Variants in CNTN5 observed in about 807,000 individuals in gnomAD.
CNTN5 encodes the protein contactin-5.
Under a neutral mutation model 129.1 loss-of-function variants are expected in CNTN5, and 77 were observed. The observed-to-expected ratio is 0.60, with a 90% CI of 0.50 to 0.72. The LOEUF (loss-of-function observed/expected upper bound fraction) is 0.72. CNTN5 is among the 30% of genes least tolerant of loss of function. The pLI is 0.00. For missense variants in CNTN5, 1,478 were observed against 1,328.8 expected (o/e 1.11, Z -1.75); for synonymous variants, 509 against 465.6 (o/e 1.09, Z -1.20).
At chr11:99,776,791 A>T (rs997634206) in intron 3 of CNTN5, among the ~76,000 whole-genome samples, 7 of 148,052 alleles carry the variant, frequency 4.7e-5, no homozygotes, top group East Asian at 2.0e-4. Flanking sequence ...AATGACAATT[A>T]AAAAAAAAAC....
At chr11:99,509,092 T>A (rs1376873447) in intron 2 of CNTN5, among the ~76,000 whole-genome samples, 5 of 152,188 alleles carry the variant, frequency 3.3e-5, no homozygotes, top group Non-Finnish European at 5.9e-5. Flanking sequence ...ATGGGGGGAA[T>A]ATATCTTAGA....
intron 9 of CNTN5, among the ~76,000 whole-genome samples, chr11:100,015,935 C>T (rs1940798402): frequency 6.6e-6 from 1 of 151,826 alleles, no homozygotes. Context: ...TACTTAATTC[C>T]ATTCATTCTA....
chr11:99,635,919 A>G (rs1211186368), intron 3 of CNTN5, among the ~76,000 whole-genome samples: 1 of 152,152 alleles, frequency 6.6e-6, no homozygotes, highest in Non-Finnish European at 1.5e-5. Context: ...AAGCAAGAAA[A>G]AGCTTTTGTC....
chr11:100,140,089 A>C (rs1358506265), intron 13 of CNTN5, among the ~76,000 whole-genome samples: 1 of 152,202 alleles, frequency 6.6e-6, no homozygotes, highest in Admixed American at 6.5e-5. Context: ...ATCCCTTAAC[A>C]GTGAAGAGGG....
chr11:99,437,466 CACTT>C (rs1279402810), intron 2 of CNTN5, among the ~76,000 whole-genome samples: 2 of 152,080 alleles, frequency 1.3e-5, no homozygotes, highest in African/African-American at 4.8e-5. Flanking sequence ...TAGCAGAAAA[CACTT>C]AAACAATATT....
At chr11:100,311,569 A>G (rs956894825) in intron 21 of CNTN5, among the ~76,000 whole-genome samples, 3 of 152,010 alleles carry the variant, frequency 2.0e-5, no homozygotes, top group African/African-American at 7.2e-5. Context: ...CTGAGAATTG[A>G]GCTCTGGGGT....
intron 3 of CNTN5, among the ~76,000 whole-genome samples, chr11:99,699,421 A>G (rs977667031): frequency 6.6e-6 from 1 of 151,536 alleles, no homozygotes; most frequent in Non-Finnish European, 1.5e-5. Context: ...TATAACACAC[A>G]TATCTCAAAT....
intron 13 of CNTN5, among the ~76,000 whole-genome samples, chr11:100,109,430 A>G (rs1181043831): frequency 6.6e-6 from 1 of 152,208 alleles, no homozygotes; most frequent in Non-Finnish European, 1.5e-5. Context: ...CATCTAAAAC[A>G]AGACAAAACA....
At chr11:99,763,627 C>T (rs934045299) in intron 3 of CNTN5, among the ~76,000 whole-genome samples, 1 of 151,740 alleles carries the variant, frequency 6.6e-6, no homozygotes, top group Non-Finnish European at 1.5e-5. Context: ...ATAGGTACAC[C>T]CACCTCATTA....
intron 8 of CNTN5, among the ~76,000 whole-genome samples, chr11:99,966,083 A>G (rs1022682799): frequency 2.0e-5 from 3 of 152,182 alleles, no homozygotes; most frequent in African/African-American, 7.2e-5. Flanking sequence ...AGGGGTTTGA[A>G]TATAAAAATT....
intron 1 of CNTN5, among the ~76,000 whole-genome samples, chr11:99,144,843 C>A (rs192864493): frequency 6.6e-6 from 1 of 151,572 alleles, no homozygotes; most frequent in Non-Finnish European, 1.5e-5. Flanking sequence ...TGTCTGTATT[C>A]TCTTGTATCT....
At chr11:99,589,563 T>C (rs1565327129) in intron 3 of CNTN5, among the ~76,000 whole-genome samples, 1 of 152,224 alleles carries the variant, frequency 6.6e-6, no homozygotes, top group Non-Finnish European at 1.5e-5. Flanking sequence ...ATGTTTTCTA[T>C]AGTGAATACA....
Position 99,055,564 on chromosome 11 carries a change from T to C in CNTN5, c.-210+34294T>C, listed in dbSNP as rs192342321. Among the ~76,000 whole-genome samples the C allele has an allele frequency of 3.4e-3, 517 of 152,094 alleles. 2 individuals are homozygous for C. The highest frequency in any genetic ancestry group is 0.012 in the African/African-American group (496 of 41,526). ...ACAATGCTACACTCAGTGCAGGTTTTATCAGTATGTGCTGACCCCTGACAA... is the reference window on the plus strand; with the variant it reads ...ACAATGCTACACTCAGTGCAGGTTTCATCAGTATGTGCTGACCCCTGACAA... On this transcript the variant is annotated intron_variant, in intron 1 of 24. Transcript: ENST00000524871.
At chr11:100,164,419 T>C (rs1440476130) in intron 13 of CNTN5, among the ~76,000 whole-genome samples, 1 of 151,784 alleles carries the variant, frequency 6.6e-6, no homozygotes, top group South Asian at 2.1e-4. Context: ...TCTTATTCTA[T>C]ATACCAATCC....
chr11:100,230,404 G>A, intron 16 of CNTN5, among the ~76,000 whole-genome samples: 1 of 152,068 alleles, frequency 6.6e-6, no homozygotes, highest in East Asian at 1.9e-4. Flanking sequence ...AAAAGCAGTT[G>A]TTTCTTTTCT....
intron 3 of CNTN5, among the ~76,000 whole-genome samples, chr11:99,572,212 G>T (rs1187488395): frequency 2.0e-5 from 3 of 152,176 alleles, no homozygotes; most frequent in African/African-American, 7.2e-5. Context: ...GGAAAAAGAA[G>T]AATTGTCTTG....
intron 13 of CNTN5, among the ~76,000 whole-genome samples, chr11:100,138,889 G>A (rs1399435236): frequency 6.6e-6 from 1 of 152,110 alleles, no homozygotes; most frequent in African/African-American, 2.4e-5. Context: ...GAACCACAAT[G>A]CTTGGTAGTA....
intron 9 of CNTN5, chr11:100,004,050 A>AGC (rs1940044304): frequency 6.6e-6 from 1 of 151,990 alleles, no homozygotes; most frequent in East Asian, 1.9e-4. Flanking sequence ...ATTTCATCCC[A>AGC]ACATAATCAC....
intron 8 of CNTN5, among the ~76,000 whole-genome samples, chr11:99,986,561 A>C (rs1374735177): frequency 6.6e-6 from 1 of 152,152 alleles, no homozygotes; most frequent in Non-Finnish European, 1.5e-5. Flanking sequence ...TGCAAACATC[A>C]CATTTCCCTC....
Sources: gnomAD v4.1 joint callset for allele counts (sites outside exome capture counted in the v4.1 genomes callset) on GRCh38, gnomAD v4.1.1 for gene constraint, MANE v1.5 for transcripts, NCBI Gene and HGNC (gene_info 2026-07-23, HGNC 2026-07-21) for gene names.